The following CADM1 variants were observed in gnomAD, a reference collection of about 807,000 sequenced individuals.
CADM1 encodes the protein TSLC-1.
A neutral mutation model predicts 53.1 loss-of-function variants in CADM1; 15 were observed. The ratio of observed to expected loss-of-function variants is 0.28; its 90% CI spans 0.19 to 0.44. CADM1 has a LOEUF of 0.44. CADM1 is among the 20% of genes least tolerant of loss of function. CADM1 has a pLI of 1.00. For synonymous variants in CADM1, 281 were observed against 243.0 expected (o/e 1.16, Z -1.45); for missense variants, 434 against 611.3 (o/e 0.71, Z 3.06).
intron 1 of CADM1, among the ~76,000 whole-genome samples, chr11:115,360,223 A>G (rs973392223): frequency 6.6e-6 from 1 of 152,366 alleles, no homozygotes; most frequent in African/African-American, 2.4e-5. Flanking sequence ...AAGTATAACT[A>G]TAATACAACT....
At chr11:115,483,018 T>A (rs1949292274) in intron 1 of CADM1, among the ~76,000 whole-genome samples, 1 of 152,220 alleles carries the variant, frequency 6.6e-6, no homozygotes, top group Non-Finnish European at 1.5e-5. Context: ...TCCTTCTCTA[T>A]CATCTTTAAA....
At chr11:115,222,749 A>G (rs979371158) in intron 5 of CADM1, among the ~76,000 whole-genome samples, 11 of 152,110 alleles carry the variant, frequency 7.2e-5, no homozygotes, top group African/African-American at 2.7e-4. Flanking sequence ...GGGTATTAGA[A>G]TTACTGTTTA....
At chr11:115,369,869 T>G (rs1415209282) in intron 1 of CADM1, among the ~76,000 whole-genome samples, 1 of 152,228 alleles carries the variant, frequency 6.6e-6, no homozygotes, top group Non-Finnish European at 1.5e-5. Context: ...TACACAATTC[T>G]GAAATGCTGC....
At chr11:115,503,562 C>T (rs886460855) in intron 1 of CADM1, among the ~76,000 whole-genome samples, 1 of 150,344 alleles carries the variant, frequency 6.7e-6, no homozygotes, top group African/African-American at 2.5e-5. Context: ...ACAGCGGCCG[C>T]CCCCCCCGCG....
At chr11:115,404,343 AAAAATATATATATAT>A (rs1271656246) in intron 1 of CADM1, among the ~76,000 whole-genome samples, 41 of 39,864 alleles carry the variant, frequency 1.0e-3, no homozygotes, top group Admixed American at 1.7e-3. Flanking sequence ...AAAAAAAAAA[AAAAATATATATATAT>A]ATATATATAT....
At chr11:115,266,225 C>A (rs1351212607) in intron 1 of CADM1, among the ~76,000 whole-genome samples, 1 of 152,214 alleles carries the variant, frequency 6.6e-6, no homozygotes, top group South Asian at 2.1e-4. Flanking sequence ...GTGCTCAAAA[C>A]AAAGGTAATA....
intron 3 of CADM1, among the ~76,000 whole-genome samples, chr11:115,235,818 C>A (rs1941990911): frequency 1.3e-5 from 2 of 152,102 alleles, no homozygotes; most frequent in African/African-American, 4.8e-5. Context: ...TTACCAGTAA[C>A]TATATTAATC....
At chr11:115,407,924 T>C (rs1947360095) in intron 1 of CADM1, among the ~76,000 whole-genome samples, 1 of 140,900 alleles carries the variant, frequency 7.1e-6, no homozygotes, top group Non-Finnish European at 1.5e-5. Context: ...TTGAGTTGAG[T>C]TTTTGTGTAT....
chr11:115,493,088 TA>T (rs1949535298), intron 1 of CADM1, among the ~76,000 whole-genome samples: 1 of 151,952 alleles, frequency 6.6e-6, no homozygotes, highest in Admixed American at 6.6e-5. Context: ...CTTGGAGAAA[TA>T]ACTGATTCCA....
In CADM1 at chr11:115,169,992, C is replaced by G. The variant is rs918815221; in HGVS notation, c.*6482G>C. Reference sequence around the variant, plus strand: ...TATCAATTACGGATCAATTTTCCCCCTAAGTAAACACTAATGCAGGATAAA... The same window carrying G: ...TATCAATTACGGATCAATTTTCCCCGTAAGTAAACACTAATGCAGGATAAA... On this transcript the variant is annotated 3_prime_UTR_variant, in exon 12 of 12. Transcript: ENST00000331581. 1.0e-5 allele frequency: 2 copies of G among 192,876 alleles called. No individual in the cohort carries two copies. The highest frequency in any genetic ancestry group is 4.6e-5 in the African/African-American group (2 of 43,098). The allele number at this position is 192,876 out of a possible 1,614,324, so 11.9% of individuals were successfully genotyped here.
rs1451068362 is a variant in CADM1 at position 115,176,124 on chromosome 11, A to G, written c.*350T>C. ...CGAAATTGGGGTAGAGGGAGGAAAT[A>G]AATGTGCACAAAGGGGGAAAAGAAA... On this transcript the variant is annotated 3_prime_UTR_variant, in exon 12 of 12. Transcript: ENST00000331581. The G allele has an allele frequency of 8.9e-7, 1 of 1,122,256 alleles. No individual in the cohort carries two copies. Among genetic ancestry groups the G allele is most frequent in the Non-Finnish European group, 1.1e-6 (1 of 910,078 alleles). The allele number at this position is 1,122,256 out of a possible 1,614,324, so 69.5% of individuals were successfully genotyped here.
chr11:115,284,553 T>C (rs531142183), intron 1 of CADM1, among the ~76,000 whole-genome samples: 125 of 151,886 alleles, frequency 8.2e-4, no homozygotes, highest in African/African-American at 2.9e-3. Flanking sequence ...AGGAAGATAG[T>C]TTTCAAAAAG....
intron 1 of CADM1, among the ~76,000 whole-genome samples, chr11:115,331,057 C>G (rs567722243): frequency 2.2e-4 from 33 of 152,212 alleles, no homozygotes; most frequent in Admixed American, 1.1e-3. Context: ...AACGGCAACT[C>G]CATCTGATTT....
chr11:115,400,661 G>GTGTATATATATA (rs1295332849), intron 1 of CADM1, among the ~76,000 whole-genome samples: 2 of 46,568 alleles, frequency 4.3e-5, no homozygotes, highest in African/African-American at 1.5e-4. Flanking sequence ...GTGTGTGTGT[G>GTGTATATATATA]TATATATATA....
At chr11:115,396,118 T>C (rs1256052833) in intron 1 of CADM1, among the ~76,000 whole-genome samples, 1 of 152,186 alleles carries the variant, frequency 6.6e-6, no homozygotes, top group Non-Finnish European at 1.5e-5. Context: ...TGAGGGACCA[T>C]AATGCTAACG....
intron 1 of CADM1, among the ~76,000 whole-genome samples, chr11:115,384,701 C>T (rs1467526979): frequency 2.0e-5 from 3 of 152,170 alleles, no homozygotes; most frequent in Non-Finnish European, 4.4e-5. Context: ...GCAATTCACA[C>T]TTGTGATAAG....
intron 1 of CADM1, among the ~76,000 whole-genome samples, chr11:115,276,359 A>C (rs1943443843): frequency 6.6e-6 from 1 of 152,206 alleles, no homozygotes; most frequent in African/African-American, 2.4e-5. Flanking sequence ...GGAAAGTCAC[A>C]TGTGTGGGCA....
chr11:115,481,704 C>T (rs1217949575), intron 1 of CADM1, among the ~76,000 whole-genome samples: 1 of 152,154 alleles, frequency 6.6e-6, no homozygotes, highest in Non-Finnish European at 1.5e-5. Context: ...GCAGCCAAGC[C>T]AGAACCTGAC....
intron 1 of CADM1, among the ~76,000 whole-genome samples, chr11:115,372,238 G>A (rs1314533872): frequency 6.6e-6 from 1 of 152,132 alleles, no homozygotes; most frequent in Non-Finnish European, 1.5e-5. Context: ...TTCCCTTTAT[G>A]TCTTGGCTAA....
Sources: gnomAD v4.1 joint callset for allele counts (sites outside exome capture counted in the v4.1 genomes callset) on GRCh38, gnomAD v4.1.1 for gene constraint, MANE v1.5 for transcripts, NCBI Gene and HGNC (gene_info 2026-07-23, HGNC 2026-07-21) for gene names.